Variants in SLC25A34 observed in about 807,000 individuals in gnomAD.
SLC25A34 encodes solute carrier family 25 member 34.
A neutral mutation model predicts 28.1 loss-of-function variants in SLC25A34; 26 were observed. The observed-to-expected ratio is 0.93, with a 90% confidence interval of 0.68 to 1.28. SLC25A34 has a LOEUF of 1.28. Among genes scored for constraint, SLC25A34 ranks in the 50% most tolerant of loss-of-function variants. The pLI is 0.00. For missense variants in SLC25A34, 384 were observed against 409.8 expected (o/e 0.94, Z 0.54); for synonymous variants, 182 against 182.2 (o/e 1.00, Z 0.01).
chr1:15,738,096 G>A lies in SLC25A34; in HGVS notation c.448G>A (p.Val150Ile), dbSNP rs761316078. 12 of 1,608,084 alleles carry A rather than the reference G, an allele frequency of 7.5e-6. No homozygotes were observed. In the South Asian group the frequency reaches 1.3e-4, roughly 18 times the overall value. Residue 150 changes from valine (V) to isoleucine (I), a missense_variant, in exon 3 of 5, where the codon GTC (valine) becomes ATC (isoleucine). By Grantham distance (29) the Val-to-Ile change is conservative. Coordinates refer to ENST00000294454, the MANE Select transcript of SLC25A34 (RefSeq NM_207348.3). ...ACCCCGTGCCCTCTCCCCACAGACT[G>A]TCCTGGGTGCCTTGGAGACCATCTG... ...AVGHQHNHQT[V>I]LGALETIWRQ...
At chr1:15,738,495 T>C (rs1351369659) in intron 3 of SLC25A34, 99 bp from the exon 4 acceptor site, 6 of 1,498,078 alleles carry the variant, frequency 4.0e-6, no homozygotes, top group Non-Finnish European at 4.5e-6. Context: ...CTCCCCTTTC[T>C]GTAGCCCTTT....
In SLC25A34 at chr1:15,739,418, C is replaced by T. The variant is rs2068259850; in HGVS notation, c.*12C>T. On this transcript the variant is annotated 3_prime_UTR_variant, in exon 5 of 5. Transcript: ENST00000294454. ...ACAAGGGCACCTAGACGACGGCCCT[C>T]ACCCCCACGTCCTGACACGGCCGGC... 6.7e-7 allele frequency: 1 copy of T among 1,498,998 alleles called. No homozygotes were observed. Among genetic ancestry groups the T allele is most frequent in the Non-Finnish European group, 8.9e-7 (1 of 1,124,626 alleles). 92.9% of individuals were successfully genotyped at this position (1,498,998 alleles called of 1,614,324 possible).
Sources: allele counts gnomAD v4.1 joint callset, GRCh38; gene constraint gnomAD v4.1.1; transcripts MANE v1.5; gene names NCBI Gene and HGNC (gene_info 2026-07-23, HGNC 2026-07-21).